The following OLFM3 variants were observed in gnomAD, a reference collection of about 807,000 sequenced individuals.
OLFM3 encodes the protein noelin-3.
OLFM3 carries 20 observed loss-of-function variants against 48.6 expected under a neutral mutation model. The ratio of observed to expected loss-of-function variants is 0.41; its 90% CI spans 0.29 to 0.60. OLFM3 has a LOEUF of 0.60. Ranked by LOEUF, OLFM3 falls within the 20% of genes least tolerant of loss-of-function variation. OLFM3 has a pLI of 0.28. For synonymous variants in OLFM3, 222 were observed against 198.1 expected (o/e 1.12, Z -1.01); for missense variants, 437 against 544.3 (o/e 0.80, Z 1.96).
intron 1 of OLFM3, chr1:101,847,067 G>T: frequency 2.1e-6 from 3 of 1,453,668 alleles, no homozygotes; most frequent in Non-Finnish European, 1.8e-6. Context: ...CACATCTACA[G>T]CATGAAAAGA....
chr1:101,837,004 C>T lies in OLFM3; in HGVS notation c.91G>A (p.Gly31Arg). 1 of 1,613,742 alleles carries T rather than the reference C, an allele frequency of 6.2e-7. No homozygotes were observed. ...TGAGCTGAGCTGTACACCTGCCACC[C>T]TTCTTTAGGACTAATCTGAGTCTGA... ...PSKTQISPKEGWQVYSSAQDP... is the reference protein window; with the variant it reads ...PSKTQISPKERWQVYSSAQDP... The change falls in exon 2 of 6, where the codon GGG (glycine) becomes AGG (arginine). Residue 31 changes from glycine (G) to arginine (R), a missense_variant. Coordinates refer to ENST00000370103, the MANE Select transcript of OLFM3 (RefSeq NM_058170.4).
chr1:101,875,410 A>G (rs1373422076), intron 1 of OLFM3, among the ~76,000 whole-genome samples: 2 of 151,986 alleles, frequency 1.3e-5, no homozygotes, highest in African/African-American at 4.8e-5. Flanking sequence ...TTGGCTAATC[A>G]ATTTTAATAA....
At chr1:101,963,512 C>A (rs1015858159) in intron 1 of OLFM3, among the ~76,000 whole-genome samples, 2 of 128,280 alleles carry the variant, frequency 1.6e-5, no homozygotes, top group Non-Finnish European at 3.3e-5. Context: ...GGTGAGGAGG[C>A]TGAGACTTAC....
At chr1:101,966,644 G>A (rs998587792) in intron 1 of OLFM3, among the ~76,000 whole-genome samples, 1 of 152,086 alleles carries the variant, frequency 6.6e-6, no homozygotes, top group Non-Finnish European at 1.5e-5. Flanking sequence ...GAAAATGTAC[G>A]AGATGACAGA....
At position 101,804,978 on chromosome 1, in the gene OLFM3, A is replaced by T; in HGVS notation, c.700-63T>A. 1 of 1,293,032 alleles carries T rather than the reference A, an allele frequency of 7.7e-7. No individual in the cohort carries two copies. The highest frequency in any genetic ancestry group is 1.1e-6 in the Non-Finnish European group (1 of 936,436). The allele number at this position is 1,293,032 out of a possible 1,614,324, so 80.1% of individuals were successfully genotyped here. On this transcript the variant is annotated intron_variant, in intron 5 of 5. Transcript: ENST00000370103. The surrounding 1 kb of genome is among the most constrained non-coding windows in gnomAD (Gnocchi z 4.5). ...TCTGTACTTTTCTGATAACCCCAAA[A>T]GAAAGACAGTGAGAGTCAACACTTA... is the stretch of plus-strand genomic sequence containing the variant.
chr1:101,880,191 T>C (rs1657464118), intron 1 of OLFM3, among the ~76,000 whole-genome samples: 1 of 151,836 alleles, frequency 6.6e-6, no homozygotes, highest in Admixed American at 6.6e-5. Flanking sequence ...GAAAATTTCA[T>C]CATGAACAGG....
At chr1:101,987,827 T>A (rs1356607823) in intron 1 of OLFM3, among the ~76,000 whole-genome samples, 5 of 152,150 alleles carry the variant, frequency 3.3e-5, no homozygotes, top group African/African-American at 1.2e-4. Flanking sequence ...GTTATATAGA[T>A]GTCTGTTTAT....
At chr1:101,820,710 G>T (rs1031700791) in intron 4 of OLFM3, among the ~76,000 whole-genome samples, 6 of 152,028 alleles carry the variant, frequency 3.9e-5, no homozygotes, top group African/African-American at 1.4e-4. Context: ...CTATTTGGGG[G>T]TAACCTAGAT....
chr1:101,826,724 C>T (rs1183675577), intron 3 of OLFM3, among the ~76,000 whole-genome samples: 1 of 152,142 alleles, frequency 6.6e-6, no homozygotes, highest in Non-Finnish European at 1.5e-5. Flanking sequence ...GTGCTTTGCT[C>T]ATTTTGTCAG....
Position 101,817,407 on chromosome 1 carries a change from C to A in OLFM3, c.592+7619G>T, listed in dbSNP as rs558304293. On this transcript the variant is annotated intron_variant, in intron 4 of 5. Coordinates refer to ENST00000370103, the MANE Select transcript of OLFM3 (RefSeq NM_058170.4). ...TCAGAAAATGTACTGAAATATACAT[C>A]TTACCAAATGCAGTAATTGAAGAAA... Among the ~76,000 whole-genome samples, 3 of 152,214 alleles carry A rather than the reference C, an allele frequency of 2.0e-5. No individual in the cohort carries two copies. In the South Asian group the frequency reaches 6.2e-4, roughly 32 times the overall value.
At chr1:101,811,778 C>A (rs529563629) in intron 4 of OLFM3, among the ~76,000 whole-genome samples, 1 of 152,066 alleles carries the variant, frequency 6.6e-6, no homozygotes, top group African/African-American at 2.4e-5. Flanking sequence ...GACAGTGTGG[C>A]GATTCCTCAG....
intron 1 of OLFM3, among the ~76,000 whole-genome samples, chr1:101,869,560 G>C (rs1286431409): frequency 6.6e-6 from 1 of 152,114 alleles, no homozygotes; most frequent in Non-Finnish European, 1.5e-5. Context: ...GTTGAGATTT[G>C]GGGGAACCAT....
intron 4 of OLFM3, among the ~76,000 whole-genome samples, chr1:101,820,219 CTTCT>C (rs1385345589): frequency 6.6e-6 from 1 of 152,050 alleles, no homozygotes; most frequent in Non-Finnish European, 1.5e-5. Flanking sequence ...TCTAATCTTC[CTTCT>C]GTTAAACATG....
chr1:101,820,677 T>C (rs1385413495), intron 4 of OLFM3, among the ~76,000 whole-genome samples: 2 of 152,106 alleles, frequency 1.3e-5, no homozygotes, highest in Non-Finnish European at 2.9e-5. Context: ...TGATGACTTA[T>C]GATTCCTTCG....
intron 1 of OLFM3, among the ~76,000 whole-genome samples, chr1:101,847,360 T>TA (rs200193089): frequency 0.033 from 4,741 of 145,062 alleles, 225 homozygotes; most frequent in African/African-American, 0.11. Context: ...TATCTTTCAT[T>TA]AAAAAAAAAA....
At chr1:101,909,550 A>G (rs1331189151) in intron 1 of OLFM3, among the ~76,000 whole-genome samples, 3 of 152,200 alleles carry the variant, frequency 2.0e-5, no homozygotes, top group Non-Finnish European at 4.4e-5. Flanking sequence ...GTTAGCAACA[A>G]TATGCAAATT....
intron 1 of OLFM3, among the ~76,000 whole-genome samples, chr1:101,944,589 G>A (rs189271724): frequency 6.6e-6 from 1 of 152,004 alleles, no homozygotes; most frequent in Non-Finnish European, 1.5e-5. Flanking sequence ...GCCATTAATA[G>A]TACCTGGACG....
chr1:101,851,163 G>C (rs545639280), intron 1 of OLFM3, among the ~76,000 whole-genome samples: 1 of 152,088 alleles, frequency 6.6e-6, no homozygotes, highest in Non-Finnish European at 1.5e-5. Context: ...AGAGTGACCA[G>C]GTACATAAAC....
At chr1:101,954,715 A>T (rs558180578) in intron 1 of OLFM3, among the ~76,000 whole-genome samples, 1 of 152,230 alleles carries the variant, frequency 6.6e-6, no homozygotes, top group South Asian at 2.1e-4. Flanking sequence ...TTTCCTCAAG[A>T]ATGAAGTCCA....
Sources: allele counts gnomAD v4.1 joint callset (sites outside exome capture counted in the v4.1 genomes callset), GRCh38; gene constraint gnomAD v4.1.1; non-coding constraint Gnocchi (gnomAD v3.1); transcripts MANE v1.5; gene names NCBI Gene and HGNC (gene_info 2026-07-23, HGNC 2026-07-21).